Variants in STIMATE observed in about 807,000 individuals in gnomAD.
The protein encoded by STIMATE is STIM activating enhancer, also known as store-operated calcium entry regulator STIMATE.
Under a neutral mutation model 36.7 loss-of-function variants are expected in STIMATE, and 15 were observed. The ratio of observed to expected loss-of-function variants is 0.41; its 90% CI spans 0.27 to 0.63. STIMATE has a LOEUF of 0.63. Ranked by LOEUF, STIMATE falls within the 20% of genes least tolerant of loss-of-function variation. The pLI, the probability that STIMATE is intolerant of heterozygous loss-of-function variation, is 0.32. For missense variants in STIMATE, 305 were observed against 397.3 expected (o/e 0.77, Z 1.98); for synonymous variants, 163 against 162.3 (o/e 1.00, Z -0.03).
At chr3:52,884,756 T>C (rs1480412609) in intron 1 of STIMATE, among the ~76,000 whole-genome samples, 2 of 152,270 alleles carry the variant, frequency 1.3e-5, no homozygotes, top group African/African-American at 4.8e-5. Context: ...TTGTTCCTTT[T>C]AGCTGCTGAC....
intron 1 of STIMATE, among the ~76,000 whole-genome samples, chr3:52,894,104 C>G (rs752760196): frequency 6.6e-6 from 1 of 152,236 alleles, no homozygotes; most frequent in Non-Finnish European, 1.5e-5. Context: ...ACCACCAAAA[C>G]GAGGAATTGC....
chr3:52,852,472 G>A (rs1268857698), intron 3 of STIMATE, 131 bp downstream of exon 3: 12 of 1,097,574 alleles, frequency 1.1e-5, no homozygotes, highest in Non-Finnish European at 1.5e-5. Flanking sequence ...GTCTCTCAGA[G>A]GAGCACAGAG....
Position 52,865,813 on chromosome 3 carries a change from C to A in STIMATE, c.161-10369G>T, listed in dbSNP as rs141201133. On this transcript the variant is annotated intron_variant, in intron 1 of 7. Transcript: ENST00000355083. ...GTCCCTCTGTTTCCCTTCTCAGGGC[C>A]AACTACTGTCCCCAAGACCTTACAT... Among the ~76,000 whole-genome samples, 60 of 152,294 alleles carry A rather than the reference C, an allele frequency of 3.9e-4. No individual in the cohort carries two copies. The East Asian group carries it at 0.011, about 27-fold the overall frequency.
chr3:52,847,692 A>G, intron 4 of STIMATE: 1 of 548,412 alleles, frequency 1.8e-6, no homozygotes, highest in Non-Finnish European at 3.0e-6. Flanking sequence ...ACAGTTGCCT[A>G]CATCCAAATC....
At position 52,840,490 on chromosome 3, in the gene STIMATE, T is replaced by C; in HGVS notation, c.*4A>G. On this transcript the variant is annotated 3_prime_UTR_variant, in exon 8 of 8. Transcript: ENST00000355083. The stretch of plus-strand genomic sequence containing the variant: ...CCTCCCGTCACCCCCAGCATGGGAA[T>C]GTGTCATACGGGTAGCCCAAAGCGG... 6.2e-7 allele frequency: 1 copy of C among 1,613,890 alleles called. No individual in the cohort carries two copies. The highest frequency in any genetic ancestry group is 8.5e-7 in the Non-Finnish European group (1 of 1,179,832).
chr3:52,888,159 C>A (rs562931463), intron 1 of STIMATE, among the ~76,000 whole-genome samples: 1 of 152,096 alleles, frequency 6.6e-6, no homozygotes, highest in Admixed American at 6.5e-5. Context: ...CAGCCTCTCA[C>A]GTGCTTCTGA....
intron 1 of STIMATE, among the ~76,000 whole-genome samples, chr3:52,861,023 C>A (rs2106685683): frequency 6.6e-6 from 1 of 152,314 alleles, no homozygotes; most frequent in East Asian, 1.9e-4. Flanking sequence ...GGACCACAGA[C>A]CTTTCTTCAT....
chr3:52,880,767 A>G (rs143179097), intron 1 of STIMATE, among the ~76,000 whole-genome samples: 3 of 152,242 alleles, frequency 2.0e-5, no homozygotes, highest in Non-Finnish European at 4.4e-5. Context: ...GGCTGTTTCA[A>G]TATTAGCTTC....
At chr3:52,851,135 C>T (rs1185383588) in intron 3 of STIMATE, among the ~76,000 whole-genome samples, 5 of 152,204 alleles carry the variant, frequency 3.3e-5, no homozygotes, top group South Asian at 4.1e-4. Flanking sequence ...TGTTCTTGTA[C>T]GGTCTGTTTC....
chr3:52,895,111 A>G (rs906495044), intron 1 of STIMATE, among the ~76,000 whole-genome samples: 1 of 152,234 alleles, frequency 6.6e-6, no homozygotes, highest in Non-Finnish European at 1.5e-5. Flanking sequence ...AATGGCTCGC[A>G]GATGTACTTC....
intron 1 of STIMATE, among the ~76,000 whole-genome samples, chr3:52,873,209 T>C (rs758971266): frequency 6.6e-6 from 1 of 152,214 alleles, no homozygotes; most frequent in African/African-American, 2.4e-5. Context: ...GGAGCAGGGC[T>C]GTGGTGTCAT....
chr3:52,881,495 G>C (rs1477592025), intron 1 of STIMATE, among the ~76,000 whole-genome samples: 1 of 152,078 alleles, frequency 6.6e-6, no homozygotes, highest in Non-Finnish European at 1.5e-5. Flanking sequence ...ATGAGGTCAG[G>C]AGATCGAGAC....
intron 1 of STIMATE, among the ~76,000 whole-genome samples, chr3:52,888,157 C>G (rs1701724687): frequency 2.0e-5 from 3 of 152,042 alleles, no homozygotes; most frequent in Admixed American, 2.0e-4. Flanking sequence ...TCCAGCCTCT[C>G]ACGTGCTTCT....
chr3:52,855,257 G>T lies in STIMATE; in HGVS notation c.209+139C>A, dbSNP rs1466320766. The stretch of plus-strand genomic sequence containing the variant: ...ACAGTTCCTAATGAATTTAATTCAG[G>T]GATTCCACATACATTATATTATGTA... On this transcript the variant is annotated intron_variant, in intron 2 of 7. Transcript: ENST00000355083. 3.3e-5 allele frequency: 37 copies of T among 1,113,012 alleles called. 1 individual carries two copies. Among genetic ancestry groups the T allele is most frequent in the Non-Finnish European group, 4.6e-5 (37 of 797,626 alleles). The allele number at this position is 1,113,012 out of a possible 1,614,324, so 68.9% of individuals were successfully genotyped here.
At chr3:52,867,899 A>C (rs1210877370) in intron 1 of STIMATE, among the ~76,000 whole-genome samples, 2 of 152,162 alleles carry the variant, frequency 1.3e-5, no homozygotes, top group South Asian at 2.1e-4. Context: ...GCCTTTCTCT[A>C]ACCAGCACTG....
chr3:52,852,557 C>G, intron 3 of STIMATE, 46 bp downstream of exon 3: 1 of 1,608,888 alleles, frequency 6.2e-7, no homozygotes, highest in Non-Finnish European at 8.5e-7. Context: ...CCTATATTTT[C>G]AATGGAGGGG....
At chr3:52,875,947 T>C (rs542251959) in intron 1 of STIMATE, among the ~76,000 whole-genome samples, 24 of 152,326 alleles carry the variant, frequency 1.6e-4, no homozygotes, top group African/African-American at 5.5e-4. Flanking sequence ...TGAGGGTGGC[T>C]GGCAAGGACA....
intron 3 of STIMATE, among the ~76,000 whole-genome samples, chr3:52,850,915 G>C (rs1700986016): frequency 6.6e-6 from 1 of 152,146 alleles, no homozygotes; most frequent in Non-Finnish European, 1.5e-5. Context: ...TTTTAGTAGA[G>C]ACAGGGTTTC....
At chr3:52,887,357 C>T (rs1016137498) in intron 1 of STIMATE, among the ~76,000 whole-genome samples, 5 of 152,224 alleles carry the variant, frequency 3.3e-5, no homozygotes, top group Admixed American at 2.0e-4. Context: ...GCACTGTGTG[C>T]CAGCACAGCC....
Sources: gnomAD v4.1 joint callset for allele counts (sites outside exome capture counted in the v4.1 genomes callset) on GRCh38, gnomAD v4.1.1 for gene constraint, MANE v1.5 for transcripts, NCBI Gene and HGNC (gene_info 2026-07-23, HGNC 2026-07-21) for gene names.